The following LNX1 variants were observed in gnomAD, a reference collection of about 807,000 sequenced individuals.
The protein encoded by LNX1 is E3 ubiquitin-protein ligase LNX.
A neutral mutation model predicts 68.4 loss-of-function variants in LNX1; 54 were observed. That is an observed-to-expected ratio of 0.79 (90% CI 0.63 to 0.99). LNX1 has a LOEUF of 0.99. LNX1 is among the 50% of genes least tolerant of loss of function. LNX1 has a pLI of 0.00. For missense variants in LNX1, 906 were observed against 926.4 expected, an observed-to-expected ratio of 0.98 and a Z score of 0.29; for synonymous variants, 336 against 350.0, an observed-to-expected ratio of 0.96 and a Z score of 0.45.
At chr4:53,508,483 C>T in intron 2 of LNX1, 1 of 440,388 alleles carries the variant, frequency 2.3e-6, no homozygotes. Context: ...ACATTGGCTG[C>T]TGGAATGCAA....
upstream of LNX1, among the ~76,000 whole-genome samples, chr4:53,620,362 AC>A (rs1488819794): frequency 6.6e-6 from 1 of 152,228 alleles, no homozygotes; most frequent in African/African-American, 2.4e-5. Flanking sequence ...GTAGTGAATT[AC>A]AAATGCTGGG....
At chr4:53,604,499 A>G (rs1733148499) in intron 2 of LNX1, among the ~76,000 whole-genome samples, 1 of 152,230 alleles carries the variant, frequency 6.6e-6, no homozygotes, top group African/African-American at 2.4e-5. Flanking sequence ...AAGAAGCAAG[A>G]GGAAGTAGCC....
chr4:53,620,594 G>A (rs1733833783), upstream of LNX1, among the ~76,000 whole-genome samples: 1 of 152,082 alleles, frequency 6.6e-6, no homozygotes, highest in African/African-American at 2.4e-5. Context: ...TTGCTTGATG[G>A]GTACAACGTG....
intron 6 of LNX1, 79 bp downstream of exon 6, chr4:53,495,944 G>A (rs748424201): frequency 2.9e-5 from 44 of 1,513,396 alleles, no homozygotes; most frequent in Non-Finnish European, 3.7e-5. Flanking sequence ...TAGTGACAGG[G>A]TGCCTGGTTC....
At position 53,476,899 on chromosome 4, in the gene LNX1, T is replaced by C. The variant is rs764183960; in HGVS notation, c.1746A>G (p.Ser582=). 6.2e-7 allele frequency: 1 copy of C among 1,614,152 alleles called. No homozygotes were observed. The highest frequency in any genetic ancestry group is 1.7e-5 in the Admixed American group (1 of 60,014). ...SEAVALLKRT[S]SSIVLKALEV... is the part of the protein sequence containing the mutation. ...CCAAAGCTTTGAGTACTATCGAGGA[T>C]GATGTTCTTTTCAATAATGCCACTG... Residue 582 remains serine (S), a synonymous_variant, in exon 9 of 11, where the codon TCA becomes TCG. Coordinates refer to ENST00000263925, the MANE Select transcript of LNX1 (RefSeq NM_001126328.3).
intron 2 of LNX1, among the ~76,000 whole-genome samples, chr4:53,538,650 G>C (rs1193641484): frequency 6.6e-6 from 1 of 152,152 alleles, no homozygotes; most frequent in Non-Finnish European, 1.5e-5. Flanking sequence ...TCCCCATGTA[G>C]CCTGAGTCTC....
At chr4:53,591,515 C>T, upstream of LNX1, 1 of 985,512 alleles carries the variant, frequency 1.0e-6, no homozygotes, top group Non-Finnish European at 1.2e-6. Flanking sequence ...TGAACAGGTG[C>T]CTGGAGGAAG....
Position 53,459,736 on chromosome 4 carries a change from TAC to T in LNX1, c.*1169_*1170del, listed in dbSNP as rs1404657329. On this transcript the variant is annotated 3_prime_UTR_variant, in exon 11 of 11. Coordinates refer to ENST00000263925, the MANE Select transcript of LNX1 (RefSeq NM_001126328.3). ...TAAAGAGCTGTGTTAGCTGTGTACA[TAC>T]ACAGATTATCTGAGAAAAGGTCAAG... is the stretch of plus-strand genomic sequence containing the variant. 1.6e-5 allele frequency: 6 copies of T among 383,134 alleles called. No individual in the cohort carries two copies. Among genetic ancestry groups the T allele is most frequent in the Non-Finnish European group, 2.4e-5 (5 of 210,536 alleles). The allele number at this position is 383,134 out of a possible 1,614,324, so 23.7% of individuals were successfully genotyped here.
intron 4 of LNX1, chr4:53,500,051 G>A (rs2109484144): frequency 6.6e-6 from 1 of 152,292 alleles, no homozygotes; most frequent in East Asian, 1.9e-4. Flanking sequence ...CACTACAAGT[G>A]AGGAGGTTTA....
intron 2 of LNX1, among the ~76,000 whole-genome samples, chr4:53,614,728 C>T (rs561849683): frequency 8.5e-5 from 13 of 152,310 alleles, no homozygotes; most frequent in African/African-American, 3.1e-4. Context: ...CTGTTTATGG[C>T]TCACGAGTTC....
At chr4:53,528,808 G>A (rs1224148077) in intron 2 of LNX1, among the ~76,000 whole-genome samples, 1 of 152,130 alleles carries the variant, frequency 6.6e-6, no homozygotes, top group Non-Finnish European at 1.5e-5. Flanking sequence ...GACTAGCTGG[G>A]AGAAGCATGT....
At chr4:53,583,967 A>G (rs1440869174) in intron 1 of LNX1, among the ~76,000 whole-genome samples, 3 of 150,890 alleles carry the variant, frequency 2.0e-5, no homozygotes, top group African/African-American at 7.4e-5. Context: ...AACAACAACA[A>G]CAACAACGAC....
chr4:53,482,375 A>G (rs1412765669), intron 6 of LNX1, among the ~76,000 whole-genome samples: 1 of 152,216 alleles, frequency 6.6e-6, no homozygotes, highest in Non-Finnish European at 1.5e-5. Flanking sequence ...AAATATGGGG[A>G]TGACTTCATA....
chr4:53,490,209 A>C (rs1488290405), intron 6 of LNX1, among the ~76,000 whole-genome samples: 5 of 152,174 alleles, frequency 3.3e-5, no homozygotes, highest in Admixed American at 1.3e-4. Flanking sequence ...AATGGCTTTG[A>C]GTATTTTCAG....
intron 1 of LNX1, among the ~76,000 whole-genome samples, chr4:53,632,001 G>A (rs1734295102): frequency 6.6e-6 from 1 of 152,196 alleles, no homozygotes; most frequent in Non-Finnish European, 1.5e-5. Flanking sequence ...ATGTATGAAT[G>A]TGGAGAAGGA....
intron 6 of LNX1, among the ~76,000 whole-genome samples, chr4:53,487,099 T>C (rs1724359429): frequency 6.6e-6 from 1 of 152,128 alleles, no homozygotes; most frequent in African/African-American, 2.4e-5. Context: ...CTGCTCATAC[T>C]GTCAGGGCGT....
At chr4:53,647,447 G>A (rs1355111759) in intron 1 of LNX1, among the ~76,000 whole-genome samples, 2 of 152,006 alleles carry the variant, frequency 1.3e-5, no homozygotes, top group East Asian at 3.9e-4. Context: ...ATTTAACAAT[G>A]TCTCAGCCAA....
chr4:53,650,890 ACATGGT>A (rs1735073477), intron 1 of LNX1, among the ~76,000 whole-genome samples: 1 of 152,200 alleles, frequency 6.6e-6, no homozygotes, highest in Non-Finnish European at 1.5e-5. Flanking sequence ...GGAGCCAGGC[ACATGGT>A]CATCACAATA....
chr4:53,628,749 G>A, intron 1 of LNX1, among the ~76,000 whole-genome samples: 1 of 151,900 alleles, frequency 6.6e-6, no homozygotes, highest in East Asian at 1.9e-4. Context: ...CCAATGAGTG[G>A]ATTTAAAAAC....
Sources: gnomAD v4.1 joint callset for allele counts (sites outside exome capture counted in the v4.1 genomes callset) on GRCh38, gnomAD v4.1.1 for gene constraint, MANE v1.5 for transcripts, NCBI Gene and HGNC (gene_info 2026-07-23, HGNC 2026-07-21) for gene names.